Variants in TRAPPC9 observed in about 807,000 individuals in gnomAD.
TRAPPC9 encodes trafficking protein particle complex subunit 9, also known as IKK2 binding protein.
A neutral mutation model predicts 124.0 loss-of-function variants in TRAPPC9; 83 were observed. That is an observed-to-expected ratio of 0.67 (90% CI 0.56 to 0.80). The LOEUF (loss-of-function observed/expected upper bound fraction) is 0.80, where lower values mean the gene tolerates loss of function less well. Ranked by LOEUF, TRAPPC9 falls within the 30% of genes least tolerant of loss-of-function variation. TRAPPC9 has a pLI of 0.00. For missense variants in TRAPPC9, 1,302 were observed against 1,508.3 expected, an observed-to-expected ratio of 0.86 and a Z score of 2.27; for synonymous variants, 638 against 617.5, an observed-to-expected ratio of 1.03 and a Z score of -0.49.
chr8:139,899,345 A>G (rs1347716088), intron 20 of TRAPPC9, among the ~76,000 whole-genome samples: 1 of 152,174 alleles, frequency 6.6e-6, no homozygotes, highest in African/African-American at 2.4e-5. Flanking sequence ...TTTGCATGTT[A>G]TATGTATTAC....
chr8:139,826,463 C>T (rs1176093326), intron 21 of TRAPPC9, among the ~76,000 whole-genome samples: 2 of 150,500 alleles, frequency 1.3e-5, no homozygotes, highest in Non-Finnish European at 1.5e-5. Context: ...CTCCTTCCCC[C>T]GCAGGGTCGG....
rs112597862 is a variant in TRAPPC9 at position 140,363,638 on chromosome 8, C to A, written c.1352-3445G>T. 7.6e-4 allele frequency among the ~76,000 whole-genome samples: 116 copies of A among 151,796 alleles called. 1 individual carries two copies. Among genetic ancestry groups the A allele is most frequent in the African/African-American group, 2.8e-3 (114 of 41,372 alleles). ...TTGAAACGGAGTTTCACTCTTGTTG[C>A]CCAGGCTGGAGTGCAATGCCACGAT... On this transcript the variant is annotated intron_variant, in intron 8 of 22. Coordinates refer to ENST00000438773, the MANE Select transcript of TRAPPC9 (RefSeq NM_001160372.4).
chr8:140,211,846 G>A (rs1302176652), intron 17 of TRAPPC9, among the ~76,000 whole-genome samples: 3 of 152,170 alleles, frequency 2.0e-5, no homozygotes, highest in Non-Finnish European at 4.4e-5. Context: ...TGCTTCACAA[G>A]CCCATGGCCA....
intron 17 of TRAPPC9, among the ~76,000 whole-genome samples, chr8:140,169,204 T>C (rs1427572868): frequency 6.6e-6 from 1 of 151,998 alleles, no homozygotes; most frequent in Non-Finnish European, 1.5e-5. Context: ...AAATAAAAAA[T>C]AGTTATTGAG....
intron 17 of TRAPPC9, among the ~76,000 whole-genome samples, chr8:140,082,530 T>C (rs1302127393): frequency 6.6e-6 from 1 of 152,172 alleles, no homozygotes; most frequent in Non-Finnish European, 1.5e-5. Flanking sequence ...TAATTAACAT[T>C]AGGTGGTGAC....
intron 18 of TRAPPC9, among the ~76,000 whole-genome samples, chr8:140,000,124 A>G (rs1245634157): frequency 6.6e-6 from 1 of 152,220 alleles, no homozygotes; most frequent in Non-Finnish European, 1.5e-5. Flanking sequence ...AAAAACAAGC[A>G]ATGGTAAAAG....
At chr8:140,300,319 A>T (rs775001049) in intron 11 of TRAPPC9, 150 bp downstream of exon 11, 26 of 995,654 alleles carry the variant, frequency 2.6e-5, no homozygotes, top group Non-Finnish European at 3.6e-5. Context: ...ATGCACACAC[A>T]TATACACACA....
At chr8:139,977,588 A>G (rs1836567640) in intron 19 of TRAPPC9, among the ~76,000 whole-genome samples, 2 of 146,262 alleles carry the variant, frequency 1.4e-5, no homozygotes, top group Non-Finnish European at 1.5e-5. Flanking sequence ...ACTGCACTCC[A>G]GCCTGGGCGA....
chr8:140,440,929 A>G (rs1320151823), intron 2 of TRAPPC9, among the ~76,000 whole-genome samples: 2 of 146,730 alleles, frequency 1.4e-5, no homozygotes, highest in Non-Finnish European at 3.0e-5. Flanking sequence ...CAACCTCTGC[A>G]CTTTGGGTTA....
chr8:139,840,588 C>A (rs1826661730), intron 21 of TRAPPC9, among the ~76,000 whole-genome samples: 1 of 152,196 alleles, frequency 6.6e-6, no homozygotes, highest in Non-Finnish European at 1.5e-5. Context: ...GCAGCCTGAC[C>A]CTAAACCCTA....
chr8:139,936,206 C>A (rs577031095), intron 19 of TRAPPC9, among the ~76,000 whole-genome samples: 1 of 152,374 alleles, frequency 6.6e-6, no homozygotes, highest in Non-Finnish European at 1.5e-5. Flanking sequence ...GCCAACAAAC[C>A]GTCTAGCACG....
In TRAPPC9 at chr8:140,168,300, T is replaced by G. The variant is rs372625129; in HGVS notation, c.2556+53159A>C. On this transcript the variant is annotated intron_variant, in intron 17 of 22. Transcript: ENST00000438773. ...AGATTAACCATTCTCCAGTGACGAA[T>G]GGTTCGGCAGCCTTCAGTGCATTCA... 1.1e-3 allele frequency among the ~76,000 whole-genome samples: 173 copies of G among 152,352 alleles called. 5 individuals are homozygous for G. The South Asian group carries it at 0.035, about 31-fold the overall frequency.
chr8:139,923,455 C>A (rs1832628292), intron 19 of TRAPPC9, among the ~76,000 whole-genome samples: 1 of 151,646 alleles, frequency 6.6e-6, no homozygotes, highest in Non-Finnish European at 1.5e-5. Context: ...TTGGTGTCCC[C>A]ACCCCGAACT....
At chr8:140,215,365 G>A (rs1370278586) in intron 17 of TRAPPC9, among the ~76,000 whole-genome samples, 4 of 152,146 alleles carry the variant, frequency 2.6e-5, no homozygotes, top group Admixed American at 6.5e-5. Flanking sequence ...GGCAGGCGCC[G>A]GGCACGGTGG....
intron 14 of TRAPPC9, among the ~76,000 whole-genome samples, chr8:140,281,529 C>A (rs1198277107): frequency 6.6e-6 from 1 of 152,084 alleles, no homozygotes; most frequent in Non-Finnish European, 1.5e-5. Flanking sequence ...ATTTAATATG[C>A]AAATATTTTC....
rs1563706552 is a variant in TRAPPC9 at position 140,033,658 on chromosome 8, G to GTTTTTTGTTTTTT, written c.2557-9580_2557-9579insAAAAAACAAAAAA. Among the ~76,000 whole-genome samples the GTTTTTTGTTTTTT allele has an allele frequency of 7.3e-4, 31 of 42,376 alleles. 8 individuals are homozygous for GTTTTTTGTTTTTT. The highest frequency in any genetic ancestry group is 3.6e-3 in the East Asian group (4 of 1,100). The allele number at this position is 42,376 out of a possible 152,430, so 27.8% of individuals were successfully genotyped here. A position where few individuals can be genotyped will look rare whatever the true frequency, so the allele number is the denominator to read the frequency against. ...TTGAAATGCAACTCTTCATAATGTGGTTTTTTTTTTTTTTTTTTTTTTTTT... is the reference window on the plus strand; with the variant it reads ...TTGAAATGCAACTCTTCATAATGTGGTTTTTTGTTTTTTTTTTTTTTTTTTTTTTTTTTTTTTT... On this transcript the variant is annotated intron_variant, in intron 17 of 22. Transcript: ENST00000438773.
intron 17 of TRAPPC9, among the ~76,000 whole-genome samples, chr8:140,121,779 G>A (rs994943490): frequency 1.6e-4 from 25 of 152,180 alleles, no homozygotes; most frequent in Admixed American, 5.2e-4. Context: ...GCTCCTTCCA[G>A]TAGGGGTGAA....
At chr8:140,052,102 T>A (rs957799958) in intron 17 of TRAPPC9, among the ~76,000 whole-genome samples, 3 of 152,106 alleles carry the variant, frequency 2.0e-5, no homozygotes, top group Non-Finnish European at 4.4e-5. Flanking sequence ...GCACAAGGCA[T>A]GGCAAAGAGG....
intron 18 of TRAPPC9, among the ~76,000 whole-genome samples, chr8:140,022,712 C>T (rs948294349): frequency 1.3e-5 from 2 of 152,158 alleles, no homozygotes; most frequent in African/African-American, 4.8e-5. Context: ...GCCATCCTGG[C>T]CAAGCTTCCC....
Sources: gnomAD v4.1 joint callset for allele counts (sites outside exome capture counted in the v4.1 genomes callset) on GRCh38, gnomAD v4.1.1 for gene constraint, MANE v1.5 for transcripts, NCBI Gene and HGNC (gene_info 2026-07-23, HGNC 2026-07-21) for gene names.